The following DRC3 variants were observed in gnomAD, a reference collection of about 807,000 sequenced individuals.
DRC3 encodes dynein regulatory complex subunit 3.
A neutral mutation model predicts 57.6 loss-of-function variants in DRC3; 45 were observed. The ratio of observed to expected loss-of-function variants is 0.78; its 90% CI spans 0.62 to 1.00. The LOEUF is 1.00. Among genes scored for constraint, DRC3 ranks in the 50% least tolerant of loss-of-function variants. DRC3 has a pLI of 0.00. For missense variants in DRC3, 655 were observed against 675.2 expected (o/e 0.97, Z 0.33); for synonymous variants, 257 against 272.3 (o/e 0.94, Z 0.55).
intron 13 of DRC3, 72 bp from the exon 14 acceptor site, chr17:18,016,486 C>T: frequency 8.6e-7 from 1 of 1,163,214 alleles, no homozygotes; most frequent in South Asian, 1.4e-5. Context: ...CCCCTTCCCT[C>T]AAACTGGATT....
chr17:17,991,006 A>T (rs1461739428), intron 5 of DRC3, among the ~76,000 whole-genome samples: 2 of 151,678 alleles, frequency 1.3e-5, no homozygotes, highest in Non-Finnish European at 2.9e-5. Context: ...AAATAATAAT[A>T]AATTAAAAAG....
intron 9 of DRC3, among the ~76,000 whole-genome samples, chr17:18,003,941 G>A (rs2043850904): frequency 6.6e-6 from 1 of 151,808 alleles, no homozygotes; most frequent in Admixed American, 6.6e-5. Flanking sequence ...ATAAGCCACT[G>A]CTCCCGGCCT....
chr17:17,974,270 G>T (rs1597512618), intron 2 of DRC3, among the ~76,000 whole-genome samples: 1 of 152,180 alleles, frequency 6.6e-6, no homozygotes. Context: ...TCTACATCTT[G>T]CTAACACCCT....
chr17:17,997,361 C>A, intron 8 of DRC3, 99 bp from the exon 9 acceptor site: 2 of 1,064,030 alleles, frequency 1.9e-6, no homozygotes, highest in Non-Finnish European at 2.7e-6. Context: ...CACTGTTGAG[C>A]GCACAGTCTG....
At chr17:17,977,824 T>TC in intron 3 of DRC3, 66 bp downstream of exon 3, 1 of 1,486,228 alleles carries the variant, frequency 6.7e-7, no homozygotes, top group South Asian at 1.4e-5. Context: ...TGCTCCATCT[T>TC]CAAGCCCCAG....
At chr17:17,993,082 G>A in intron 6 of DRC3, 171 bp downstream of exon 6, 1 of 686,792 alleles carries the variant, frequency 1.5e-6, no homozygotes, top group Non-Finnish European at 2.4e-6. Context: ...GATTCCAGCA[G>A]CACCCTTGTA....
At position 17,997,623 on chromosome 17, in the gene DRC3, A is replaced by C; in HGVS notation, c.988A>C (p.Lys330Gln). Residue 330 changes from lysine (K) to glutamine (Q), a missense_variant, in exon 9 of 14, where the codon AAG becomes CAG. Lys to Gln is a moderately conservative substitution (Grantham distance 53). Transcript: ENST00000399187. ...ACGCAAGATTGCCAAATTCGAGGAG[A>C]AGCACTTGTCGGTAGGCCCCGAGCC... ...GKRKIAKFEE[K>Q]HLSSLSAIRE... 1 of 1,606,314 alleles carries C rather than the reference A, an allele frequency of 6.2e-7. No individual in the cohort carries two copies. Among genetic ancestry groups the C allele is most frequent in the Non-Finnish European group, 8.5e-7 (1 of 1,176,580 alleles).
At chr17:17,975,500 G>T (rs575635806) in intron 2 of DRC3, among the ~76,000 whole-genome samples, 1 of 149,704 alleles carries the variant, frequency 6.7e-6, no homozygotes, top group African/African-American at 2.5e-5. Flanking sequence ...GTGAGCCACC[G>T]CGCCTGACCT....
intron 9 of DRC3, among the ~76,000 whole-genome samples, chr17:18,003,583 A>T (rs2043829563): frequency 6.9e-6 from 1 of 144,262 alleles, no homozygotes; most frequent in Non-Finnish European, 1.5e-5. Context: ...TTCTGCTTTC[A>T]GGAAGAAAAA....
rs2044057933 is a variant in DRC3, at chr17:18,008,501, GCAT to G, written c.1326+1359_1326+1361del. ...GTACAACATGCAGCACAGATGCCAG[GCAT>G]CATCTGCAGAATGAGTGTGAGAGCG... On this transcript the variant is annotated intron_variant, in intron 12 of 13. Transcript: ENST00000399187. The surrounding 1 kb of genome is among the most constrained non-coding windows in gnomAD (Gnocchi z 4.3). 1.3e-5 allele frequency among the ~76,000 whole-genome samples: 2 copies of G among 152,192 alleles called. No homozygotes were observed. The highest frequency in any genetic ancestry group is 4.8e-5 in the African/African-American group (2 of 41,454).
chr17:17,982,308 T>C (rs1223765313), intron 3 of DRC3, among the ~76,000 whole-genome samples: 1 of 151,350 alleles, frequency 6.6e-6, no homozygotes, highest in East Asian at 2.0e-4. Context: ...CTCCGCCTCC[T>C]GGGTTCACGC....
chr17:17,988,152 G>A (rs1050301311), intron 5 of DRC3, 54 bp downstream of exon 5: 42 of 1,545,894 alleles, frequency 2.7e-5, no homozygotes, highest in Non-Finnish European at 3.1e-5. Flanking sequence ...TTGGAGCGCC[G>A]TGGGTTGAGT....
chr17:17,988,401 G>T, intron 5 of DRC3: 1 of 358,656 alleles, frequency 2.8e-6, no homozygotes, highest in Non-Finnish European at 5.3e-6. Flanking sequence ...AGTGTTGGGC[G>T]TATGTCCTGT....
At chr17:18,011,057 A>G in intron 12 of DRC3, 1 of 208,936 alleles carries the variant, frequency 4.8e-6, no homozygotes, top group Admixed American at 5.8e-5. Context: ...TCCCAGGTTC[A>G]AGTGATTCTC....
chr17:17,994,240 AG>A, intron 6 of DRC3, 58 bp from the exon 7 acceptor site: 1 of 1,542,358 alleles, frequency 6.5e-7, no homozygotes, highest in East Asian at 2.5e-5. Flanking sequence ...GCGGCATGGC[AG>A]AGGCGGTGTG....
intron 12 of DRC3, chr17:18,007,809 T>A (rs897616744): frequency 1.9e-6 from 2 of 1,040,376 alleles, no homozygotes; most frequent in Non-Finnish European, 1.2e-6. Flanking sequence ...CCTGCTTTAG[T>A]GCATGCATCA....
In DRC3 at chr17:17,977,718, C is replaced by G; in HGVS notation, c.120C>G (p.Ile40Met). 1 of 1,613,260 alleles carries G rather than the reference C, an allele frequency of 6.2e-7. No individual in the cohort carries two copies. Among genetic ancestry groups the G allele is most frequent in the South Asian group, 1.1e-5 (1 of 91,028 alleles). The stretch of plus-strand genomic sequence containing the variant: ...GGCAGCTGGCCAAGCAGGAGGGCAT[C>G]CTCTTCAAGGATGTCCTGTCCCTGC... The part of the protein sequence containing the change: ...EAGQLAKQEG[I>M]LFKDVLSLQL... Residue 40 changes from isoleucine to methionine, a missense_variant, in exon 3 of 14, where the codon ATC (isoleucine) becomes ATG (methionine). Transcript: ENST00000399187.
chr17:17,975,543 CTT>C (rs1273630316), intron 2 of DRC3, among the ~76,000 whole-genome samples: 1 of 142,248 alleles, frequency 7.0e-6, no homozygotes, highest in Non-Finnish European at 1.5e-5. Flanking sequence ...AGGCCAAACA[CTT>C]TGCAGAAAAC....
chr17:18,000,457 CT>C (rs761336427), intron 9 of DRC3, among the ~76,000 whole-genome samples: 53 of 152,170 alleles, frequency 3.5e-4, no homozygotes, highest in Non-Finnish European at 5.9e-4. Flanking sequence ...GAAAAAGTAG[CT>C]TCTTTTTTTT....
Sources: allele counts gnomAD v4.1 joint callset (sites outside exome capture counted in the v4.1 genomes callset), GRCh38; gene constraint gnomAD v4.1.1; non-coding constraint Gnocchi (gnomAD v3.1); transcripts MANE v1.5; gene names NCBI Gene and HGNC (gene_info 2026-07-23, HGNC 2026-07-21).